Variants in KMT5A observed in about 807,000 individuals in gnomAD.
The protein encoded by KMT5A is N-lysine methyltransferase KMT5A.
A neutral mutation model predicts 40.6 loss-of-function variants in KMT5A; 6 were observed. That is an observed-to-expected ratio of 0.15 (90% CI 0.08 to 0.29). The LOEUF (loss-of-function observed/expected upper bound fraction) is 0.29, where lower values mean the gene tolerates loss of function less well. KMT5A is among the 10% of genes least tolerant of loss of function. The probability of loss-of-function intolerance (pLI) is 1.00; values close to 1 mark genes in which losing one functional copy is unlikely to be tolerated. For missense variants in KMT5A, 308 were observed against 459.1 expected (o/e 0.67, Z 3.01); for synonymous variants, 153 against 178.8 (o/e 0.86, Z 1.15).
At chr12:123,385,728 G>A (rs2139150565) in intron 1 of KMT5A, among the ~76,000 whole-genome samples, 1 of 152,200 alleles carries the variant, frequency 6.6e-6, no homozygotes, top group South Asian at 2.1e-4. Context: ...GCGCATGCCT[G>A]TAATCCCAGC....
intron 6 of KMT5A, 58 bp downstream of exon 6, chr12:123,403,690 T>C: frequency 6.2e-7 from 1 of 1,600,204 alleles, no homozygotes. Context: ...TCACCTTCCC[T>C]GGTCCCGTGG....
intron 7 of KMT5A, 132 bp downstream of exon 7, chr12:123,405,206 T>G: frequency 1.1e-6 from 1 of 913,248 alleles, no homozygotes; most frequent in South Asian, 1.9e-5. Flanking sequence ...TTTTTTTTTA[T>G]TTTTTGAGAT....
At chr12:123,402,811 C>T (rs1170051247) in intron 5 of KMT5A, among the ~76,000 whole-genome samples, 1 of 152,182 alleles carries the variant, frequency 6.6e-6, no homozygotes, top group East Asian at 1.9e-4. Context: ...ACAGGTGAAT[C>T]TCAGCGATCC....
At chr12:123,398,327 C>A (rs1417637897) in intron 5 of KMT5A, among the ~76,000 whole-genome samples, 1 of 151,744 alleles carries the variant, frequency 6.6e-6, no homozygotes, top group African/African-American at 2.4e-5. Context: ...TGGTGCCAGA[C>A]CACAGAATCC....
At chr12:123,392,948 C>T (rs1261378779) in intron 3 of KMT5A, among the ~76,000 whole-genome samples, 1 of 152,168 alleles carries the variant, frequency 6.6e-6, no homozygotes, top group Non-Finnish European at 1.5e-5. Flanking sequence ...GCAATCTCGG[C>T]TCACTGCAAC....
intron 3 of KMT5A, among the ~76,000 whole-genome samples, chr12:123,394,104 C>CTTTTT (rs397711320): frequency 2.4e-5 from 3 of 125,068 alleles, no homozygotes; most frequent in African/African-American, 6.1e-5. Context: ...ATTTTTTTTT[C>CTTTTT]TTTTTTTTTT....
At chr12:123,395,020 C>G (rs1328167687) in intron 3 of KMT5A, 27 bp from the exon 4 acceptor site, 1 of 1,536,722 alleles carries the variant, frequency 6.5e-7, no homozygotes, top group African/African-American at 1.4e-5. Flanking sequence ...CAGAATAAAC[C>G]CGTCTTTCCC....
intron 6 of KMT5A, 42 bp from the exon 7 acceptor site, chr12:123,404,842 C>A (rs1309203105): frequency 6.3e-7 from 1 of 1,578,314 alleles, no homozygotes. Flanking sequence ...CAGTGGCATC[C>A]ATTGCTATTA....
chr12:123,405,851 G>A lies in KMT5A; in HGVS notation c.848+777G>A, dbSNP rs574279679. 4.2e-5 allele frequency among the ~76,000 whole-genome samples: 6 copies of A among 143,324 alleles called. No homozygotes were observed. In the East Asian group the frequency reaches 8.5e-4, roughly 20 times the overall value. 94.0% of individuals were successfully genotyped at this position (143,324 alleles called of 152,430 possible). On this transcript the variant is annotated intron_variant, in intron 7 of 7. Coordinates refer to ENST00000402868, the MANE Select transcript of KMT5A (RefSeq NM_020382.7). ...TTTTTTTCTTTTGAGACGGAGTCTC[G>A]TTCTGTCACCCAGGCTGGAGTGCAG...
chr12:123,404,845 T>A (rs1878416425), intron 6 of KMT5A, 39 bp from the exon 7 acceptor site: 1 of 1,584,254 alleles, frequency 6.3e-7, no homozygotes, highest in Non-Finnish European at 8.6e-7. Context: ...TGGCATCCAT[T>A]GCTATTATGA....
intron 3 of KMT5A, among the ~76,000 whole-genome samples, chr12:123,391,881 C>G (rs932116820): frequency 6.6e-6 from 1 of 152,238 alleles, no homozygotes; most frequent in African/African-American, 2.4e-5. Context: ...GCTGGGCAAG[C>G]CCTGAACTGG....
At chr12:123,400,260 C>T (rs928977087) in intron 5 of KMT5A, among the ~76,000 whole-genome samples, 4 of 138,622 alleles carry the variant, frequency 2.9e-5, no homozygotes, top group African/African-American at 8.4e-5. Flanking sequence ...TGGTCTCGAT[C>T]TCCTGACCTT....
At chr12:123,407,420 A>C in intron 7 of KMT5A, 73 bp from the exon 8 acceptor site, 2 of 1,387,902 alleles carry the variant, frequency 1.4e-6, no homozygotes, top group Non-Finnish European at 1.0e-6. Flanking sequence ...AGAGCTGAGC[A>C]CAAGTGTGAC....
intron 3 of KMT5A, among the ~76,000 whole-genome samples, chr12:123,393,757 G>A (rs1275704229): frequency 6.6e-6 from 1 of 152,128 alleles, no homozygotes; most frequent in Non-Finnish European, 1.5e-5. Flanking sequence ...GGCCAGGCTG[G>A]TCTCGAACTC....
At chr12:123,405,517 C>CTTTTTTTT (rs35093204) in intron 7 of KMT5A, among the ~76,000 whole-genome samples, 1 of 78,026 alleles carries the variant, frequency 1.3e-5, no homozygotes, top group Non-Finnish European at 2.3e-5. Context: ...CGCCTGCTTC[C>CTTTTTTTT]TTTTTTTTTT....
At position 123,408,923 on chromosome 12, in the gene KMT5A, C is replaced by CT. The variant is rs1405767578; in HGVS notation, c.*1222dup. The CT allele has an allele frequency of 2.0e-5, 3 of 152,662 alleles. No homozygotes were observed. Among genetic ancestry groups the CT allele is most frequent in the Admixed American group, 6.5e-5 (1 of 15,276 alleles). The allele number at this position is 152,662 out of a possible 1,614,324, so 9.5% of individuals were successfully genotyped here. A position where few individuals can be genotyped will look rare whatever the true frequency, so the allele number is the denominator to read the frequency against. On this transcript the variant is annotated 3_prime_UTR_variant, in exon 8 of 8. Transcript: ENST00000402868. ...TCAAGGATAGGGCTAAGGTTTTCAC[C>CT]TTAACTGTGAAGGCAGGAGGAATAG...
chr12:123,403,996 C>T (rs1003094453), intron 6 of KMT5A, among the ~76,000 whole-genome samples: 1 of 152,226 alleles, frequency 6.6e-6, no homozygotes, highest in South Asian at 2.1e-4. Context: ...TACCACTGCC[C>T]ACCATCCCCA....
chr12:123,403,610 G>A lies in KMT5A; in HGVS notation c.635G>A (p.Ser212Asn). 1.9e-6 allele frequency: 3 copies of A among 1,614,252 alleles called. No homozygotes were observed. Among genetic ancestry groups the A allele is most frequent in the Non-Finnish European group, 2.5e-6 (3 of 1,180,028 alleles). Reference sequence around the variant, plus strand: ...AAAAGAATAGATGAATTGATTGAAAGTGGGAAGGAAGAAGGAATGAAGGTA... The same window carrying A: ...AAAAGAATAGATGAATTGATTGAAAATGGGAAGGAAGAAGGAATGAAGGTA... ...ERKRIDELIESGKEEGMKIDL... is the reference protein window; with the variant it reads ...ERKRIDELIENGKEEGMKIDL... The change falls in exon 6 of 8, where the codon AGT becomes AAT. Residue 212 changes from serine (S) to asparagine (N), a missense_variant. Physicochemically the swap from Ser to Asn is conservative, Grantham distance 46 (BLOSUM62 1). Around this residue, in one of 4 missense-constraint regions of KMT5A, gnomAD observed 77 missense variants for 220.0 expected, o/e 0.35. Transcript: ENST00000402868.
intron 1 of KMT5A, among the ~76,000 whole-genome samples, chr12:123,386,876 GAC>G (rs1295912149): frequency 2.0e-5 from 3 of 151,678 alleles, no homozygotes; most frequent in Non-Finnish European, 4.4e-5. Context: ...TTTTTTGGGA[GAC>G]AGAGTCTCAC....
Sources: gnomAD v4.1 joint callset for allele counts (sites outside exome capture counted in the v4.1 genomes callset) on GRCh38, gnomAD v4.1.1 for gene constraint, gnomAD v4.1.1 regional missense constraint, MANE v1.5 for transcripts, NCBI Gene and HGNC (gene_info 2026-07-23, HGNC 2026-07-21) for gene names.